The following IKBKE variants were observed in gnomAD, a reference collection of about 807,000 sequenced individuals.
IKBKE encodes the protein inhibitor of nuclear factor kappa-B kinase subunit epsilon.
In IKBKE, 45 loss-of-function variants were observed where a neutral mutation model predicts 92.1. The ratio of observed to expected loss-of-function variants is 0.49; its 90% CI spans 0.38 to 0.63. The LOEUF (loss-of-function observed/expected upper bound fraction) is 0.63, where lower values mean the gene tolerates loss of function less well. Ranked by LOEUF, IKBKE falls within the 20% of genes least tolerant of loss-of-function variation. IKBKE has a pLI of 0.00. For missense variants in IKBKE, 700 were observed against 932.8 expected (o/e 0.75, Z 3.25); for synonymous variants, 374 against 380.3 (o/e 0.98, Z 0.19).
In IKBKE at chr1:206,476,760, G is replaced by C; in HGVS notation, c.623G>C (p.Gly208Ala). ...FGVTVDLWSI[G>A]VTLYHAATGS... Reference sequence around the variant, plus strand: ...GTGACTGTGGATCTCTGGAGCATTGGAGTGACCTTGTACCATGCAGCCACT... The same window carrying C: ...GTGACTGTGGATCTCTGGAGCATTGCAGTGACCTTGTACCATGCAGCCACT... Residue 208 changes from glycine to alanine, a missense_variant, in exon 7 of 22, where the codon GGA (glycine) becomes GCA (alanine). By Grantham distance (60) the Gly-to-Ala change is moderately conservative. Coordinates refer to ENST00000581977, the MANE Select transcript of IKBKE (RefSeq NM_014002.4). The surrounding 1 kb of genome is among the most constrained non-coding windows in gnomAD (Gnocchi z 5.1). 1 of 1,614,246 alleles carries C rather than the reference G, an allele frequency of 6.2e-7. No homozygotes were observed.
intron 8 of IKBKE, 72 bp downstream of exon 8, chr1:206,477,931 C>T: frequency 9.2e-7 from 1 of 1,081,556 alleles, no homozygotes; most frequent in East Asian, 2.6e-5. Context: ...TAAGTCAAGA[C>T]TTCTGAGGCC....
intron 5 of IKBKE, among the ~76,000 whole-genome samples, chr1:206,475,597 T>C (rs2103452716): frequency 6.6e-6 from 1 of 151,776 alleles, no homozygotes; most frequent in South Asian, 2.1e-4. Context: ...ATTAGCTGGG[T>C]GTGGTGGTGC....
rs1261165167 is a variant in IKBKE at position 206,487,986 on chromosome 1, G to A, written c.1689G>A (p.Arg563=). ...AACAGTTCAAGAAGTCTAGGATGAGGCCAGGTGAGCCCGGGGAGGGCAGAT... is the reference window on the plus strand; with the variant it reads ...AACAGTTCAAGAAGTCTAGGATGAGACCAGGTGAGCCCGGGGAGGGCAGAT... The part of the protein sequence containing the change: ...IYKQFKKSRM[R]PGLGYNEEQI... The change falls in exon 16 of 22, where the codon AGG becomes AGA. Residue 563 remains arginine, a synonymous_variant. Transcript: ENST00000581977. This position sits in a 1 kb window ranked among gnomAD's most constrained non-coding sequence, Gnocchi z 5.3. 6 of 1,612,138 alleles carry A rather than the reference G, an allele frequency of 3.7e-6. No individual in the cohort carries two copies. In the Admixed American group the frequency reaches 5.0e-5, roughly 13 times the overall value.
chr1:206,477,332 C>T (rs1553385661), intron 7 of IKBKE, among the ~76,000 whole-genome samples: 3 of 152,170 alleles, frequency 2.0e-5, no homozygotes, highest in Admixed American at 6.5e-5. Context: ...ACCTCAGCCC[C>T]GGGGTCCAGC....
In IKBKE at chr1:206,474,399, G is replaced by A. The variant is rs1539242; in HGVS notation, c.156G>A (p.Gln52=). The A allele has an allele frequency of 2.0e-3, 3,161 of 1,614,160 alleles. 4 individuals carry two copies. The highest frequency in any genetic ancestry group is 2.4e-3 in the Non-Finnish European group (2,846 of 1,179,972). ...GCTACCTGCGGCCCCGCGAGGTGCA[G>A]GTGAGGGAGTTTGAGGTCCTGCGGA... The part of the protein sequence containing the change: ...TTSYLRPREV[Q]VREFEVLRKL... The change falls in exon 4 of 22, where the codon CAG becomes CAA. Residue 52 remains glutamine (Q), a synonymous_variant. Coordinates refer to ENST00000581977, the MANE Select transcript of IKBKE (RefSeq NM_014002.4).
chr1:206,490,943 C>A lies in IKBKE; in HGVS notation c.1733+85C>A. 2 of 1,253,240 alleles carry A rather than the reference C, an allele frequency of 1.6e-6. No individual in the cohort carries two copies. The highest frequency in any genetic ancestry group is 2.3e-6 in the Non-Finnish European group (2 of 855,652). The allele number at this position is 1,253,240 out of a possible 1,614,324, so 77.6% of individuals were successfully genotyped here. On this transcript the variant is annotated intron_variant, in intron 17 of 21. Coordinates refer to ENST00000581977, the MANE Select transcript of IKBKE (RefSeq NM_014002.4). This position sits in a 1 kb window ranked among gnomAD's most constrained non-coding sequence, Gnocchi z 5.2. ...GCGATTCTCAACGCCAGAGGAGAGG[C>A]AGTGAAGGGCCCTGTCCCGGACTGC...
At position 206,471,148 on chromosome 1, in the gene IKBKE, CG is replaced by C. The variant is rs1443450004; in HGVS notation, c.-122-6del. 1 of 152,332 alleles carries C rather than the reference CG, an allele frequency of 6.6e-6. No individual in the cohort carries two copies. 9.4% of individuals were successfully genotyped at this position (152,332 alleles called of 1,614,324 possible). A position where few individuals can be genotyped will look rare whatever the true frequency, so the allele number is the denominator to read the frequency against. On this transcript the variant is annotated splice_region_variant and splice_polypyrimidine_tract_variant and intron_variant, in intron 1 of 21. Coordinates refer to ENST00000581977, the MANE Select transcript of IKBKE (RefSeq NM_014002.4). ...CGCCTCTCATCCGCCCTCCTCTTTC[CG>C]GTGTAGCTCAGCTCCTGGACGTGCC...
rs1553385478 is a variant in IKBKE, at chr1:206,476,811, G to A, written c.674G>A (p.Gly225Asp). 2 of 1,614,222 alleles carry A rather than the reference G, an allele frequency of 1.2e-6. No individual in the cohort carries two copies. Among genetic ancestry groups the A allele is most frequent in the Non-Finnish European group, 8.5e-7 (1 of 1,180,034 alleles). Reference protein sequence around the residue: ...ATGSLPFIPFGGPRRNKEIMY... With the variant: ...ATGSLPFIPFDGPRRNKEIMY... ...GGCAGCCTGCCCTTCATCCCCTTTG[G>A]TGGGCCACGGCGGAACAAGGAGATC... The change falls in exon 7 of 22, where the codon GGT (glycine) becomes GAT (aspartate). Residue 225 changes from glycine to aspartate, a missense_variant. Coordinates refer to ENST00000581977, the MANE Select transcript of IKBKE (RefSeq NM_014002.4). This position sits in a 1 kb window ranked among gnomAD's most constrained non-coding sequence, Gnocchi z 5.1.
intron 4 of IKBKE, 133 bp from the exon 5 acceptor site, chr1:206,474,732 C>A: frequency 9.0e-7 from 1 of 1,105,352 alleles, no homozygotes; most frequent in Non-Finnish European, 1.3e-6. Flanking sequence ...AGTGTGAGGC[C>A]AAGGAGGGAA....
Position 206,496,498 on chromosome 1 carries a change from A to G in IKBKE, c.*353A>G. On this transcript the variant is annotated 3_prime_UTR_variant, in exon 22 of 22. Coordinates refer to ENST00000581977, the MANE Select transcript of IKBKE (RefSeq NM_014002.4). The stretch of plus-strand genomic sequence containing the variant: ...TACGCCTTCCCACTCCCTCTGGTTT[A>G]TAGGACTTCACTCCCTAGCCAACAG... 3.0e-6 allele frequency: 1 copy of G among 329,214 alleles called. No homozygotes were observed. The highest frequency in any genetic ancestry group is 5.7e-6 in the Non-Finnish European group (1 of 176,194). The allele number at this position is 329,214 out of a possible 1,614,324, so 20.4% of individuals were successfully genotyped here. A position where few individuals can be genotyped will look rare whatever the true frequency, so the allele number is the denominator to read the frequency against.
intron 2 of IKBKE, among the ~76,000 whole-genome samples, chr1:206,471,856 G>A (rs542406925): frequency 2.0e-5 from 3 of 152,366 alleles, no homozygotes; most frequent in East Asian, 3.9e-4. Flanking sequence ...AGTTCAGAGC[G>A]AAGGAACATA....
At chr1:206,484,076 C>A (rs1404076544) in intron 13 of IKBKE, among the ~76,000 whole-genome samples, 1 of 142,148 alleles carries the variant, frequency 7.0e-6, no homozygotes, top group Non-Finnish European at 1.6e-5. Context: ...CGGTGTGAGC[C>A]ACCATGCCTG....
chr1:206,489,376 T>C (rs1665826804), intron 16 of IKBKE, among the ~76,000 whole-genome samples: 1 of 38,692 alleles, frequency 2.6e-5, no homozygotes, highest in African/African-American at 7.0e-5. Context: ...TGTGTATATA[T>C]ATATATATAT....
In IKBKE at chr1:206,474,848, C is replaced by T. The variant is rs1664972700; in HGVS notation, c.229-17C>T. 3 of 1,612,954 alleles carry T rather than the reference C, an allele frequency of 1.9e-6. No individual in the cohort carries two copies. Among genetic ancestry groups the T allele is most frequent in the Non-Finnish European group, 2.5e-6 (3 of 1,179,386 alleles). Reference sequence around the variant, plus strand: ...AGAAGTGCCGTCCTCATGAGCCCCTCTCTGTCCCACCCATAGGGCGGAAGC... The same window carrying T: ...AGAAGTGCCGTCCTCATGAGCCCCTTTCTGTCCCACCCATAGGGCGGAAGC... On this transcript the variant is annotated splice_polypyrimidine_tract_variant and intron_variant, in intron 4 of 21. Transcript: ENST00000581977.
intron 16 of IKBKE, among the ~76,000 whole-genome samples, chr1:206,488,669 A>G (rs1236444754): frequency 6.6e-6 from 1 of 151,348 alleles, no homozygotes; most frequent in Non-Finnish European, 1.5e-5. Flanking sequence ...CAGGAACCAA[A>G]CCTCCCCCTC....
intron 13 of IKBKE, among the ~76,000 whole-genome samples, chr1:206,480,777 CAGGT>C (rs1665339021): frequency 6.6e-6 from 1 of 152,216 alleles, no homozygotes; most frequent in South Asian, 2.1e-4. Flanking sequence ...ACAGACTCTC[CAGGT>C]ACCAAGGTGG....
intron 18 of IKBKE, chr1:206,492,790 CT>C: frequency 1.5e-6 from 1 of 647,328 alleles, no homozygotes; most frequent in Middle Eastern, 2.5e-4. Context: ...GTTGTTGGTG[CT>C]CCACACTACG....
Position 206,476,377 on chromosome 1 carries a change from C to A in IKBKE, c.540+15C>A. The A allele has an allele frequency of 6.3e-7, 1 of 1,593,324 alleles. No homozygotes were observed. The highest frequency in any genetic ancestry group is 1.1e-5 in the South Asian group (1 of 87,390). The stretch of plus-strand genomic sequence containing the variant: ...AGGAGTACCTGGTGGGTGAGCTGCT[C>A]GAGACCCGCTGCCCTATGCTGAGGG... On this transcript the variant is annotated intron_variant, in intron 6 of 21. Coordinates refer to ENST00000581977, the MANE Select transcript of IKBKE (RefSeq NM_014002.4). The surrounding 1 kb of genome is among the most constrained non-coding windows in gnomAD (Gnocchi z 5.1).
chr1:206,486,595 C>T (rs1464850991), intron 15 of IKBKE, among the ~76,000 whole-genome samples: 3 of 151,102 alleles, frequency 2.0e-5, no homozygotes, highest in Non-Finnish European at 4.4e-5. Context: ...GGATCCCAGG[C>T]CCTGTCTTTT....
Sources: gnomAD v4.1 joint callset for allele counts (sites outside exome capture counted in the v4.1 genomes callset) on GRCh38, gnomAD v4.1.1 for gene constraint, Gnocchi (gnomAD v3.1) non-coding constraint, MANE v1.5 for transcripts, NCBI Gene and HGNC (gene_info 2026-07-23, HGNC 2026-07-21) for gene names.